The following ARHGEF25 variants were observed in gnomAD, a reference collection of about 807,000 sequenced individuals.
ARHGEF25 encodes RAC/CDC42 exchange factor.
ARHGEF25 carries 42 observed loss-of-function variants against 74.0 expected under a neutral mutation model. That is an observed-to-expected ratio of 0.57 (90% CI 0.44 to 0.73). The LOEUF (loss-of-function observed/expected upper bound fraction) is 0.73. Among genes scored for constraint, ARHGEF25 ranks in the 30% least tolerant of loss-of-function variants. The pLI, the probability that ARHGEF25 is intolerant of heterozygous loss-of-function variation, is 0.00. For missense variants in ARHGEF25, 645 were observed against 725.5 expected, an observed-to-expected ratio of 0.89 and a Z score of 1.27; for synonymous variants, 293 against 278.6, an observed-to-expected ratio of 1.05 and a Z score of -0.51.
At chr12:57,610,183 G>A (rs1298770929), upstream of ARHGEF25, 1 of 1,429,924 alleles carries the variant, frequency 7.0e-7, no homozygotes, top group Non-Finnish European at 9.6e-7. Flanking sequence ...GTGCCCCCTC[G>A]ACCCTGAAAC....
chr12:57,613,446 GA>G lies in ARHGEF25; in HGVS notation c.417del (p.Glu140ArgfsTer26), dbSNP rs1286387183. On this transcript the variant is annotated frameshift_variant, in exon 4 of 15. Coordinates refer to ENST00000286494, the MANE Select transcript of ARHGEF25 (RefSeq NM_182947.4). LOFTEE classifies it high-confidence loss of function. ...EGPGDKTQPPEEETLSQAPES... is the reference protein window; with the variant it reads ...EGPGDKTQPPXEETLSQAPES... ...GGATGTTCTTTCCTTCCAGCCACCTGAAGAGGAGACTTTGTCCCAAGCCCCT... is the reference window on the plus strand; with the variant it reads ...GGATGTTCTTTCCTTCCAGCCACCTGAGAGGAGACTTTGTCCCAAGCCCCT... 1 of 1,614,240 alleles carries G rather than the reference GA, an allele frequency of 6.2e-7. No individual in the cohort carries two copies. Among genetic ancestry groups the G allele is most frequent in the African/African-American group, 1.3e-5 (1 of 75,058 alleles).
upstream of ARHGEF25, chr12:57,610,481 A>G: frequency 8.4e-7 from 1 of 1,195,650 alleles, no homozygotes; most frequent in Non-Finnish European, 1.2e-6. Context: ...TTTTATAACA[A>G]TGTGGGTTTT....
chr12:57,616,955 C>A lies in ARHGEF25; in HGVS notation c.*61C>A, dbSNP rs1884325802. 26 of 1,335,160 alleles carry A rather than the reference C, an allele frequency of 1.9e-5. No homozygotes were observed. The highest frequency in any genetic ancestry group is 2.7e-5 in the Non-Finnish European group (25 of 934,006). The allele number at this position is 1,335,160 out of a possible 1,614,324, so 82.7% of individuals were successfully genotyped here. ...GCCTATTCCCCAAGGAGCTTCAGGG[C>A]AGTCCTTCTGGCACTGCTCCAGAAT... On this transcript the variant is annotated 3_prime_UTR_variant, in exon 15 of 15. Transcript: ENST00000286494.
At chr12:57,610,605 C>T (rs751945850), upstream of ARHGEF25, 2 of 1,611,798 alleles carry the variant, frequency 1.2e-6, no homozygotes, top group East Asian at 2.2e-5. Flanking sequence ...TGGTGGGTAC[C>T]GAGCCAGAGT....
Position 57,617,001 on chromosome 12 carries a change from G to C in ARHGEF25, c.*107G>C, listed in dbSNP as rs940356040. 2 of 894,444 alleles carry C rather than the reference G, an allele frequency of 2.2e-6. No individual in the cohort carries two copies. Among genetic ancestry groups the C allele is most frequent in the Non-Finnish European group, 3.5e-6 (2 of 567,270 alleles). The allele number at this position is 894,444 out of a possible 1,614,324, so 55.4% of individuals were successfully genotyped here. A position where few individuals can be genotyped will look rare whatever the true frequency, so the allele number is the denominator to read the frequency against. On this transcript the variant is annotated 3_prime_UTR_variant, in exon 15 of 15. Transcript: ENST00000286494. ...AGAATTCCTCCTTCTTGGTGTGTCT[G>C]GAGGGTGGGCAAGGCTGGGAGGGAT...
Position 57,613,259 on chromosome 12 carries a change from C to G in ARHGEF25, c.313-5C>G. 6.2e-7 allele frequency: 1 copy of G among 1,614,008 alleles called. No homozygotes were observed. The highest frequency in any genetic ancestry group is 8.5e-7 in the Non-Finnish European group (1 of 1,179,926). ...GACCTCTGACACTTGATTTCTGGCC[C>G]CCAGAACTGGATGTTGGAGCCAGCT... is the stretch of plus-strand genomic sequence containing the variant. On this transcript the variant is annotated splice_polypyrimidine_tract_variant and splice_region_variant and intron_variant, in intron 2 of 14. Coordinates refer to ENST00000286494, the MANE Select transcript of ARHGEF25 (RefSeq NM_182947.4).
In ARHGEF25 at chr12:57,615,630, A is replaced by C; in HGVS notation, c.1157A>C (p.Gln386Pro). The change falls in exon 12 of 15, where the codon CAA (glutamine) becomes CCA (proline). Residue 386 changes from glutamine to proline, a missense_variant. Coordinates refer to ENST00000286494, the MANE Select transcript of ARHGEF25 (RefSeq NM_182947.4). ...GRERRVFLFEQIIIFSEALGG... is the reference protein window; with the variant it reads ...GRERRVFLFEPIIIFSEALGG... ...GAGAGGCGCGTCTTCCTCTTTGAGC[A>C]AATCATCATCTTCAGTGAAGCCCTG... 1.2e-6 allele frequency: 2 copies of C among 1,614,178 alleles called. No homozygotes were observed. Among genetic ancestry groups the C allele is most frequent in the South Asian group, 2.2e-5 (2 of 91,082 alleles).
At position 57,611,552 on chromosome 12, in the gene ARHGEF25, G is replaced by C. The variant is rs1025163856; in HGVS notation, c.-343G>C. ...TAACCAGAGGCCGGAGACAGCTGGA[G>C]CGGCTGCCGCATCCCGGCCCAGCCT... On this transcript the variant is annotated 5_prime_UTR_variant, in exon 1 of 15. Transcript: ENST00000286494. This position sits in a 1 kb window ranked among gnomAD's most constrained non-coding sequence, Gnocchi z 4.5. 3 of 993,248 alleles carry C rather than the reference G, an allele frequency of 3.0e-6. No individual in the cohort carries two copies. Among genetic ancestry groups the C allele is most frequent in the Non-Finnish European group, 3.6e-6 (3 of 835,192 alleles). 61.5% of individuals were successfully genotyped at this position (993,248 alleles called of 1,614,324 possible).
intron 1 of ARHGEF25, 60 bp downstream of exon 1, chr12:57,612,051 A>T (rs1030319452): frequency 8.1e-7 from 1 of 1,238,038 alleles, no homozygotes; most frequent in Non-Finnish European, 1.0e-6. Context: ...GGTTCAGGGC[A>T]TCTGTTTGCC....
At chr12:57,616,755 TG>T in intron 14 of ARHGEF25, 28 bp from the exon 15 acceptor site, 1 of 1,515,028 alleles carries the variant, frequency 6.6e-7, no homozygotes, top group Non-Finnish European at 9.1e-7. Flanking sequence ...CTGGCCTTTT[TG>T]ATCCTCTGAC....
chr12:57,615,172 G>A, intron 10 of ARHGEF25, 65 bp from the exon 11 acceptor site: 3 of 1,554,292 alleles, frequency 1.9e-6, no homozygotes, highest in African/African-American at 2.7e-5. Flanking sequence ...AACTGGCCGA[G>A]GAGGCCTCTT....
At position 57,612,962 on chromosome 12, in the gene ARHGEF25, A is replaced by G. The variant is rs1594959035; in HGVS notation, c.130A>G (p.Ile44Val). The change falls in exon 2 of 15, where the codon ATA (isoleucine) becomes GTA (valine). Residue 44 changes from isoleucine (I) to valine (V), a missense_variant. Physicochemically the swap from Ile to Val is conservative, Grantham distance 29 (BLOSUM62 3). Coordinates refer to ENST00000286494, the MANE Select transcript of ARHGEF25 (RefSeq NM_182947.4). Reference sequence around the variant, plus strand: ...TTCCATTGCGGGCAGTGAGGGGAGTATATCGGCTTCTGCTGCCTCCGGTCT... The same window carrying G: ...TTCCATTGCGGGCAGTGAGGGGAGTGTATCGGCTTCTGCTGCCTCCGGTCT... The part of the protein sequence containing the change: ...SYSIAGSEGS[I>V]SASAASGLAA... 1.2e-6 allele frequency: 2 copies of G among 1,614,104 alleles called. No individual in the cohort carries two copies. The highest frequency in any genetic ancestry group is 2.2e-5 in the East Asian group (1 of 44,880).
At position 57,611,691 on chromosome 12, in the gene ARHGEF25, C is replaced by T. The variant is rs968750443; in HGVS notation, c.-204C>T. 20 of 1,147,786 alleles carry T rather than the reference C, an allele frequency of 1.7e-5. No homozygotes were observed. In the East Asian group the frequency reaches 7.3e-4, roughly 42 times the overall value. The allele number at this position is 1,147,786 out of a possible 1,614,324, so 71.1% of individuals were successfully genotyped here. On this transcript the variant is annotated 5_prime_UTR_variant, in exon 1 of 15. Coordinates refer to ENST00000286494, the MANE Select transcript of ARHGEF25 (RefSeq NM_182947.4). The surrounding 1 kb of genome is among the most constrained non-coding windows in gnomAD (Gnocchi z 4.5). The stretch of plus-strand genomic sequence containing the variant: ...GCGGCCGGGCCCCGCGCCTCTCTCT[C>T]TCTAGAGCCCCCAGCCCTCCTCAAG...
At chr12:57,616,555 G>A (rs1257932617) in intron 14 of ARHGEF25, 60 bp downstream of exon 14, 11 of 1,512,486 alleles carry the variant, frequency 7.3e-6, no homozygotes, top group East Asian at 2.3e-5. Context: ...CTCTTGTTCT[G>A]GGACCCCAAG....
In ARHGEF25 at chr12:57,615,226, C is replaced by T; in HGVS notation, c.961-11C>T. Reference sequence around the variant, plus strand: ...TCGCCCAACAATGCGCCTCCCTCACCTGTGTCCCAGCAAGCTGTGGAGGTC... The same window carrying T: ...TCGCCCAACAATGCGCCTCCCTCACTTGTGTCCCAGCAAGCTGTGGAGGTC... On this transcript the variant is annotated splice_polypyrimidine_tract_variant and intron_variant, in intron 10 of 14. Coordinates refer to ENST00000286494, the MANE Select transcript of ARHGEF25 (RefSeq NM_182947.4). The T allele has an allele frequency of 6.3e-7, 1 of 1,588,648 alleles. No individual in the cohort carries two copies.
chr12:57,611,209 C>G (rs147163070), upstream of ARHGEF25, among the ~76,000 whole-genome samples: 1 of 152,172 alleles, frequency 6.6e-6, no homozygotes, highest in South Asian at 2.1e-4. This position sits in a 1 kb window ranked among gnomAD's most constrained non-coding sequence, Gnocchi z 4.5. Context: ...CCGACCCCAG[C>G]GCTCCGCAGA....
rs964405982 is a variant in ARHGEF25 at position 57,613,852 on chromosome 12, C to G, written c.552+92C>G. On this transcript the variant is annotated intron_variant, in intron 5 of 14. Coordinates refer to ENST00000286494, the MANE Select transcript of ARHGEF25 (RefSeq NM_182947.4). Reference sequence around the variant, plus strand: ...GAGGTGCCTGGGCGCTCCTCTGTCCCACCTCTCAAGCCTCCCCACTCCTGG... The same window carrying G: ...GAGGTGCCTGGGCGCTCCTCTGTCCGACCTCTCAAGCCTCCCCACTCCTGG... The G allele has an allele frequency of 3.3e-5, 51 of 1,535,544 alleles. No individual in the cohort carries two copies. In the African/African-American group the frequency reaches 6.3e-4, roughly 19 times the overall value.
upstream of ARHGEF25, among the ~76,000 whole-genome samples, chr12:57,611,252 G>T (rs901759948): frequency 6.6e-6 from 1 of 152,194 alleles, no homozygotes; most frequent in African/African-American, 2.4e-5. This position sits in a 1 kb window ranked among gnomAD's most constrained non-coding sequence, Gnocchi z 4.5. Context: ...GGACCCCGGG[G>T]CAGGGGAGCA....
At position 57,614,293 on chromosome 12, in the gene ARHGEF25, A is replaced by G. The variant is rs531817541; in HGVS notation, c.657-38A>G. 1 of 1,612,250 alleles carries G rather than the reference A, an allele frequency of 6.2e-7. No homozygotes were observed. Among genetic ancestry groups the G allele is most frequent in the Admixed American group, 1.7e-5 (1 of 60,004 alleles). On this transcript the variant is annotated intron_variant, in intron 6 of 14. Coordinates refer to ENST00000286494, the MANE Select transcript of ARHGEF25 (RefSeq NM_182947.4). This position sits in a 1 kb window ranked among gnomAD's most constrained non-coding sequence, Gnocchi z 4.6. Reference sequence around the variant, plus strand: ...GAGTGGGCGAGGTGGGGGTTGTGAAATGTATTTGACCTGCTGCTTCTCTAC... The same window carrying G: ...GAGTGGGCGAGGTGGGGGTTGTGAAGTGTATTTGACCTGCTGCTTCTCTAC...
Sources: gnomAD v4.1 joint callset for allele counts (sites outside exome capture counted in the v4.1 genomes callset) on GRCh38, gnomAD v4.1.1 for gene constraint, Gnocchi (gnomAD v3.1) non-coding constraint, MANE v1.5 for transcripts, NCBI Gene and HGNC (gene_info 2026-07-23, HGNC 2026-07-21) for gene names.